The following WDR31 variants were observed in gnomAD, a reference collection of about 807,000 sequenced individuals.
The protein encoded by WDR31 is WD repeat domain 31.
WDR31 carries 30 observed loss-of-function variants against 47.3 expected under a neutral mutation model. The observed-to-expected ratio is 0.63, with a 90% CI of 0.47 to 0.86. The LOEUF is 0.86. WDR31 is among the 40% of genes least tolerant of loss of function. The pLI is 0.00. For synonymous variants in WDR31, 137 were observed against 159.4 expected (o/e 0.86, Z 1.06); for missense variants, 406 against 442.9 (o/e 0.92, Z 0.75).
chr9:113,326,444 T>C (rs1038504117), intron 5 of WDR31, among the ~76,000 whole-genome samples: 1 of 150,676 alleles, frequency 6.6e-6, no homozygotes. Flanking sequence ...TCTCTCTTCT[T>C]TCTCTCTCTC....
At chr9:113,328,804 C>A in intron 5 of WDR31, 77 bp downstream of exon 5, 2 of 1,246,626 alleles carry the variant, frequency 1.6e-6, no homozygotes, top group Non-Finnish European at 2.3e-6. Context: ...AAGATTCAAT[C>A]ACTCTTAATA....
intron 5 of WDR31, among the ~76,000 whole-genome samples, chr9:113,327,421 A>G (rs892848755): frequency 3.6e-5 from 5 of 139,662 alleles, no homozygotes; most frequent in Non-Finnish European, 6.0e-5. Context: ...TGTTACATGC[A>G]CACACACACA....
At chr9:113,321,071 G>A (rs532613710) in intron 8 of WDR31, among the ~76,000 whole-genome samples, 16 of 152,120 alleles carry the variant, frequency 1.1e-4, no homozygotes, top group Non-Finnish European at 2.2e-4. Flanking sequence ...AAGAACTATT[G>A]GCTTTACTGA....
Position 113,320,413 on chromosome 9 carries a change from C to T in WDR31, c.724G>A (p.Gly242Arg). 1 of 1,614,258 alleles carries T rather than the reference C, an allele frequency of 6.2e-7. No homozygotes were observed. Among genetic ancestry groups the T allele is most frequent in the Non-Finnish European group, 8.5e-7 (1 of 1,180,044 alleles). The change falls in exon 9 of 11, where the codon GGA becomes AGA. Residue 242 changes from glycine (G) to arginine (R), a missense_variant. Physicochemically the swap from Gly to Arg is moderately radical, Grantham distance 125. Transcript: ENST00000374193. ...IQTYCEVSVD[G>R]HKCISCSNGF... ...TTGCTGCAGGAGATACACTTGTGTC[C>T]ATCCACACTGACTTCACAGTAGGTC...
At chr9:113,316,939 G>A (rs1374719586) in intron 10 of WDR31, 30 bp from the exon 11 acceptor site, 1 of 1,608,378 alleles carries the variant, frequency 6.2e-7, no homozygotes, top group Non-Finnish European at 8.5e-7. Context: ...CAGCAGATTA[G>A]GCCAAGAGTG....
intron 2 of WDR31, among the ~76,000 whole-genome samples, chr9:113,334,600 C>T (rs539089121): frequency 4.6e-4 from 69 of 149,638 alleles, no homozygotes; most frequent in African/African-American, 1.5e-3. Flanking sequence ...AGTGCAATGG[C>T]GTGATCTCAG....
At chr9:113,331,712 G>A (rs1237309271) in intron 3 of WDR31, among the ~76,000 whole-genome samples, 195 bp downstream of exon 3, 4 of 152,174 alleles carry the variant, frequency 2.6e-5, no homozygotes, top group Non-Finnish European at 4.4e-5. Flanking sequence ...CTTCCAAAGC[G>A]CTGGGATTAC....
rs1217613290 is a variant in WDR31 at position 113,313,786 on chromosome 9, CTCTT to C, written c.*2959_*2962del. ...GTGACCGGGCTTCCTCTCCCACTATCTCTTTGTCTTTCCAGAGTTGAAAGACCCA... is the reference window on the plus strand; with the variant it reads ...GTGACCGGGCTTCCTCTCCCACTATCTGTCTTTCCAGAGTTGAAAGACCCA... On this transcript the variant is annotated 3_prime_UTR_variant, in exon 11 of 11. Transcript: ENST00000374193. The C allele has an allele frequency of 3.9e-5, 6 of 152,178 alleles. No individual in the cohort carries two copies. The highest frequency in any genetic ancestry group is 1.4e-4 in the African/African-American group (6 of 41,440). The allele number at this position is 152,178 out of a possible 1,614,324, so 9.4% of individuals were successfully genotyped here. A position where few individuals can be genotyped will look rare whatever the true frequency, so the allele number is the denominator to read the frequency against.
chr9:113,339,906 T>C (rs1227205762), intron 1 of WDR31, among the ~76,000 whole-genome samples: 1 of 152,006 alleles, frequency 6.6e-6, no homozygotes, highest in African/African-American at 2.4e-5. Context: ...GGCTAATTTT[T>C]TGTATTTTAG....
intron 2 of WDR31, among the ~76,000 whole-genome samples, chr9:113,334,291 TTA>T (rs1228005170): frequency 6.6e-6 from 1 of 152,158 alleles, no homozygotes; most frequent in African/African-American, 2.4e-5. Context: ...AAACAATAGA[TTA>T]TAATAGACTG....
At position 113,318,633 on chromosome 9, in the gene WDR31, C is replaced by G; in HGVS notation, c.785G>C (p.Trp262Ser). The change falls in exon 10 of 11, where the codon TGG becomes TCG. Residue 262 changes from tryptophan to serine, a missense_variant. Trp to Ser is a radical substitution (Grantham distance 177, BLOSUM62 -3). Coordinates refer to ENST00000374193, the MANE Select transcript of WDR31 (RefSeq NM_001012361.4). ...TCTGTTTCGAGTCTGTCTTAGGTCCCACAACTGCAAAGTAATGACATGGAC... is the reference window on the plus strand; with the variant it reads ...TCTGTTTCGAGTCTGTCTTAGGTCCGACAACTGCAAAGTAATGACATGGAC... The part of the protein sequence containing the change: ...FGGEGCEATL[W>S]DLRQTRNRIC... The G allele has an allele frequency of 1.2e-6, 2 of 1,614,044 alleles. No homozygotes were observed. Among genetic ancestry groups the G allele is most frequent in the Non-Finnish European group, 1.7e-6 (2 of 1,179,942 alleles).
chr9:113,327,591 T>C (rs1026982913), intron 5 of WDR31, among the ~76,000 whole-genome samples: 2 of 152,244 alleles, frequency 1.3e-5, no homozygotes, highest in African/African-American at 2.4e-5. Context: ...ATCCTGAATA[T>C]TGATGGCTGA....
intron 2 of WDR31, 78 bp from the exon 3 acceptor site, chr9:113,332,128 T>G (rs1212314452): frequency 2.0e-6 from 2 of 1,012,696 alleles, no homozygotes; most frequent in Admixed American, 4.6e-5. Context: ...AATCCTTTTT[T>G]AGACTAATTA....
In WDR31 at chr9:113,323,136, G is replaced by A; in HGVS notation, c.344C>T (p.Ser115Phe). The change falls in exon 6 of 11, where the codon TCC becomes TTC. Residue 115 changes from serine (S) to phenylalanine (F), a missense_variant. Ser to Phe is a radical substitution (Grantham distance 155). Transcript: ENST00000374193. ...ACGAGAGGCACTGAAGAACTGGCTG[G>A]ATTTGGGAATACAGGCTACCTGCTC... ...EITKVACIPK[S>F]SQFFSASRDR... 6.2e-7 allele frequency: 1 copy of A among 1,613,942 alleles called. No individual in the cohort carries two copies. The highest frequency in any genetic ancestry group is 8.5e-7 in the Non-Finnish European group (1 of 1,179,930).
Position 113,323,172 on chromosome 9 carries a change from C to T in WDR31, c.325-17G>A. The T allele has an allele frequency of 6.2e-7, 1 of 1,609,576 alleles. No individual in the cohort carries two copies. The highest frequency in any genetic ancestry group is 8.5e-7 in the Non-Finnish European group (1 of 1,177,960). On this transcript the variant is annotated splice_polypyrimidine_tract_variant and intron_variant, in intron 5 of 10. Coordinates refer to ENST00000374193, the MANE Select transcript of WDR31 (RefSeq NM_001012361.4). ...ACAGGCTACCTGCTCAGGGAAAAAA[C>T]AACAACACTGAAATAGCTCTGGTAT...
Position 113,313,655 on chromosome 9 carries a change from T to C in WDR31, c.*3094A>G, listed in dbSNP as rs554921555. 7.9e-5 allele frequency: 12 copies of C among 152,378 alleles called. No individual in the cohort carries two copies. Among genetic ancestry groups the C allele is most frequent in the African/African-American group, 2.2e-4 (9 of 41,590 alleles). 9.4% of individuals were successfully genotyped at this position (152,378 alleles called of 1,614,324 possible). A position where few individuals can be genotyped will look rare whatever the true frequency, so the allele number is the denominator to read the frequency against. On this transcript the variant is annotated 3_prime_UTR_variant, in exon 11 of 11. Coordinates refer to ENST00000374193, the MANE Select transcript of WDR31 (RefSeq NM_001012361.4). ...GTGTGACTTTGGGCAAAGTACTGCA[T>C]GTTTCTAGCCCTCAGCTTCCTCATC... is the stretch of plus-strand genomic sequence containing the variant.
At chr9:113,332,425 T>C (rs375423193) in intron 2 of WDR31, among the ~76,000 whole-genome samples, 59 of 152,226 alleles carry the variant, frequency 3.9e-4, no homozygotes, top group African/African-American at 1.3e-3. Flanking sequence ...TGGAGAAACA[T>C]CATGTGGTCA....
chr9:113,320,415 T>TCC lies in WDR31; in HGVS notation c.720_721dup (p.Asp241GlyfsTer25), dbSNP rs1391545976. On this transcript the variant is annotated frameshift_variant, in exon 9 of 11. Coordinates refer to ENST00000374193, the MANE Select transcript of WDR31 (RefSeq NM_001012361.4). LOFTEE classifies it high-confidence loss of function. ...GCTGCAGGAGATACACTTGTGTCCATCCACACTGACTTCACAGTAGGTCTG... is the reference window on the plus strand; with the variant it reads ...GCTGCAGGAGATACACTTGTGTCCATCCCCACACTGACTTCACAGTAGGTCTG... 4.3e-6 allele frequency: 7 copies of TCC among 1,614,244 alleles called. No individual in the cohort carries two copies. The highest frequency in any genetic ancestry group is 5.9e-6 in the Non-Finnish European group (7 of 1,180,036).
rs547314608 is a variant in WDR31, at chr9:113,316,785, G to A, written c.1068C>T (p.Ser356=). The A allele has an allele frequency of 1.2e-6, 2 of 1,614,098 alleles. No individual in the cohort carries two copies. The highest frequency in any genetic ancestry group is 1.1e-5 in the South Asian group (1 of 91,072). ...RGIHLLRMDH[S]QGLELQEVAA... is the part of the protein sequence containing the mutation. The stretch of plus-strand genomic sequence containing the variant: ...CCACTTCCTGCAGTTCCAGCCCTTG[G>A]CTGTGGTCCATTCTGAGTAAGTGAA... The change falls in exon 11 of 11, where the codon AGC becomes AGT. Residue 356 remains serine (S), a synonymous_variant. Coordinates refer to ENST00000374193, the MANE Select transcript of WDR31 (RefSeq NM_001012361.4).
Sources: allele counts gnomAD v4.1 joint callset (sites outside exome capture counted in the v4.1 genomes callset), GRCh38; gene constraint gnomAD v4.1.1; transcripts MANE v1.5; gene names NCBI Gene and HGNC (gene_info 2026-07-23, HGNC 2026-07-21).